Variants in ZNF695 observed in about 807,000 individuals in gnomAD.
ZNF695 encodes the protein zinc finger protein SBZF3.
ZNF695 carries 11 observed loss-of-function variants against 11.2 expected under a neutral mutation model. That is an observed-to-expected ratio of 0.98 (90% confidence interval 0.62 to 1.62). The LOEUF (loss-of-function observed/expected upper bound fraction) is 1.62. ZNF695 is among the 40% of genes most tolerant of loss of function. ZNF695 has a pLI of 0.00. For synonymous variants in ZNF695, 190 were observed against 201.4 expected (o/e 0.94, Z 0.48); for missense variants, 559 against 590.5 (o/e 0.95, Z 0.55).
At chr1:246,959,226 G>T (rs1209968078) in intron 5 of ZNF695, among the ~76,000 whole-genome samples, 1 of 124,222 alleles carries the variant, frequency 8.1e-6, no homozygotes, top group Non-Finnish European at 1.6e-5. Context: ...CTGCAGTGAG[G>T]TATGATCTCA....
Position 246,999,501 on chromosome 1 carries a change from T to C in ZNF695, c.167-61A>G, listed in dbSNP as rs931483760. The C allele has an allele frequency of 3.0e-6, 4 of 1,330,868 alleles. No individual in the cohort carries two copies. The Admixed American group carries it at 5.3e-5, about 18-fold the overall frequency. The allele number at this position is 1,330,868 out of a possible 1,614,324, so 82.4% of individuals were successfully genotyped here. A position where few individuals can be genotyped will look rare whatever the true frequency, so the allele number is the denominator to read the frequency against. ...GGGATTCTTTAATCACCTTTTACTA[T>C]GCTCAGTAGAGAAGAGAAAACATCA... is the stretch of plus-strand genomic sequence containing the variant. On this transcript the variant is annotated intron_variant, in intron 2 of 3. Transcript: ENST00000339986.
intron 1 of ZNF695, among the ~76,000 whole-genome samples, chr1:247,002,887 A>G (rs550130235): frequency 4.6e-5 from 7 of 152,360 alleles, no homozygotes; most frequent in Admixed American, 4.6e-4. Flanking sequence ...ATCACTAATC[A>G]TCAGAGAAAT....
At chr1:247,002,662 T>C (rs1184366712) in intron 1 of ZNF695, among the ~76,000 whole-genome samples, 3 of 152,092 alleles carry the variant, frequency 2.0e-5, no homozygotes, top group Non-Finnish European at 2.9e-5. Flanking sequence ...GGTGCATGCC[T>C]GTGATCCCAG....
At chr1:246,975,615 T>C (rs755346827) in intron 4 of ZNF695, among the ~76,000 whole-genome samples, 1 of 152,146 alleles carries the variant, frequency 6.6e-6, no homozygotes, top group Non-Finnish European at 1.5e-5. Context: ...GCTGAGAACA[T>C]GAAAGTTCAG....
intron 1 of ZNF695, among the ~76,000 whole-genome samples, chr1:247,007,531 C>T (rs1669576595): frequency 6.6e-6 from 1 of 151,732 alleles, no homozygotes; most frequent in Non-Finnish European, 1.5e-5. Context: ...GAAAGGAACC[C>T]ACAGACCACA....
At chr1:246,949,868 G>A (rs1484379086) in intron 5 of ZNF695, among the ~76,000 whole-genome samples, 1 of 152,144 alleles carries the variant, frequency 6.6e-6, no homozygotes, top group Non-Finnish European at 1.5e-5. Context: ...AATTTTGTAT[G>A]TGTCTTTAAA....
At chr1:246,965,116 C>T (rs1190712831) in intron 5 of ZNF695, among the ~76,000 whole-genome samples, 1 of 151,934 alleles carries the variant, frequency 6.6e-6, no homozygotes, top group Admixed American at 6.6e-5. Flanking sequence ...GCCTGTAATC[C>T]CAGCACTTTG....
chr1:246,951,420 A>G (rs1233289586), intron 5 of ZNF695, among the ~76,000 whole-genome samples: 1 of 152,224 alleles, frequency 6.6e-6, no homozygotes, highest in Non-Finnish European at 1.5e-5. Context: ...CCACAAGCCA[A>G]GGAATGTCTG....
intron 3 of ZNF695, among the ~76,000 whole-genome samples, chr1:246,994,416 C>A (rs1278305464): frequency 6.6e-6 from 1 of 152,140 alleles, no homozygotes; most frequent in African/African-American, 2.4e-5. Flanking sequence ...TGGCACGCGC[C>A]TGTAACCCCA....
rs776065138 is a variant in ZNF695 at position 246,997,505 on chromosome 1, G to GA, written c.259+1842dup. Among the ~76,000 whole-genome samples the GA allele has an allele frequency of 3.8e-3, 480 of 126,586 alleles. 2 individuals carry two copies. The highest frequency in any genetic ancestry group is 9.1e-3 in the Admixed American group (115 of 12,592). 83.0% of individuals were successfully genotyped at this position (126,586 alleles called of 152,430 possible). The stretch of plus-strand genomic sequence containing the variant: ...GCGACAGAGCGAGACTCTGTCTCAA[G>GA]AAAAAAAAAAAAGAAAAAAGAACTA... On this transcript the variant is annotated intron_variant, in intron 3 of 3. Coordinates refer to ENST00000339986, the MANE Select transcript of ZNF695 (RefSeq NM_020394.5).
intron 4 of ZNF695, among the ~76,000 whole-genome samples, chr1:246,975,111 A>G (rs916754078): frequency 3.3e-5 from 5 of 152,176 alleles, no homozygotes; most frequent in Admixed American, 6.5e-5. Context: ...TGCATTTACG[A>G]TTAGTCTCCT....
At chr1:246,948,789 A>T (rs1370380476) in intron 5 of ZNF695, among the ~76,000 whole-genome samples, 1 of 152,164 alleles carries the variant, frequency 6.6e-6, no homozygotes, top group Admixed American at 6.6e-5. Context: ...AAGAGAGGTA[A>T]GAGGCTAAGG....
chr1:246,977,132 G>A lies in ZNF695; in HGVS notation c.391-9340C>T, dbSNP rs141257871. ...AAGCCCCAGATATAAATGTAAGAGC[G>A]TTGTGCCAGCTAACAAAAACTTTCA... On this transcript the variant is annotated intron_variant, in intron 4 of 5. Coordinates refer to the ZNF695 transcript ENST00000487338. Among the ~76,000 whole-genome samples, 96 of 152,270 alleles carry A rather than the reference G, an allele frequency of 6.3e-4. 1 individual carries two copies. In the East Asian group the frequency reaches 0.014, roughly 23 times the overall value.
At chr1:246,980,813 T>C (rs936862753), downstream of ZNF695, among the ~76,000 whole-genome samples, 2 of 152,176 alleles carry the variant, frequency 1.3e-5, no homozygotes, top group African/African-American at 2.4e-5. Flanking sequence ...GAAACTATTA[T>C]GAGAAAACAT....
At chr1:246,983,689 G>A (rs532043441), downstream of ZNF695, among the ~76,000 whole-genome samples, 110 of 152,072 alleles carry the variant, frequency 7.2e-4, no homozygotes, top group South Asian at 9.4e-3. Context: ...ATGGTGGTGC[G>A]TGCCTGTAAT....
intron 5 of ZNF695, among the ~76,000 whole-genome samples, chr1:246,958,047 T>C (rs1668045878): frequency 6.6e-6 from 1 of 151,820 alleles, no homozygotes; most frequent in Non-Finnish European, 1.5e-5. Context: ...TTGTTTTGTT[T>C]TGTTTTGTTT....
intron 5 of ZNF695, among the ~76,000 whole-genome samples, chr1:246,950,256 C>T (rs1360676574): frequency 6.6e-6 from 1 of 152,138 alleles, no homozygotes; most frequent in African/African-American, 2.4e-5. Context: ...AAGGACTATG[C>T]TTGAATATAC....
intron 4 of ZNF695, among the ~76,000 whole-genome samples, chr1:246,970,382 G>C (rs1413044675): frequency 6.6e-6 from 1 of 152,192 alleles, no homozygotes; most frequent in Non-Finnish European, 1.5e-5. Context: ...TTTTCGAGTT[G>C]TTGTGTAAGG....
rs192511238 is a variant in ZNF695 at position 246,957,912 on chromosome 1, G to T, written c.488+9783C>A. On this transcript the variant is annotated intron_variant, in intron 5 of 5. Transcript: ENST00000487338. Reference sequence around the variant, plus strand: ...CCCAGCCTTGTATTTTCTAAAGATGGTTGCACCTGTATATTTATTACTACA... The same window carrying T: ...CCCAGCCTTGTATTTTCTAAAGATGTTTGCACCTGTATATTTATTACTACA... Among the ~76,000 whole-genome samples the T allele has an allele frequency of 5.9e-5, 9 of 152,128 alleles. No individual in the cohort carries two copies. In the East Asian group the frequency reaches 1.5e-3, roughly 26 times the overall value.
Sources: gnomAD v4.1 joint callset for allele counts (sites outside exome capture counted in the v4.1 genomes callset) on GRCh38, gnomAD v4.1.1 for gene constraint, MANE v1.5 for transcripts, NCBI Gene and HGNC (gene_info 2026-07-23, HGNC 2026-07-21) for gene names.